PDP1: variants seen among roughly 807,000 people sequenced by gnomAD.
PDP1 encodes the protein pyruvate dehyrogenase phosphatase catalytic subunit 1.
PDP1 carries 14 observed loss-of-function variants against 37.1 expected under a neutral mutation model. That is an observed-to-expected ratio of 0.38 (90% CI 0.25 to 0.59). The LOEUF is 0.59. Ranked by LOEUF, PDP1 falls within the 20% of genes least tolerant of loss-of-function variation. The pLI is 0.67. For missense variants in PDP1, 544 were observed against 655.3 expected, an observed-to-expected ratio of 0.83 and a Z score of 1.85; for synonymous variants, 251 against 243.3, an observed-to-expected ratio of 1.03 and a Z score of -0.29.
intron 1 of PDP1, chr8:93,918,077 C>A: frequency 1.0e-6 from 1 of 982,144 alleles, no homozygotes; most frequent in Non-Finnish European, 1.5e-6. Flanking sequence ...ACAAACGCGT[C>A]TTGGATTGAG....
chr8:93,923,091 T>G lies in PDP1; in HGVS notation c.1032T>G (p.Leu344=). ...GTGTCGTGAAACAGGATCGGCTGCTTGGCTTGCTGATGCCATTTAGGGCAT... is the reference window on the plus strand; with the variant it reads ...GTGTCGTGAAACAGGATCGGCTGCTGGGCTTGCTGATGCCATTTAGGGCAT... ...AKSVVKQDRL[L]GLLMPFRAFG... Residue 344 remains leucine (L), a synonymous_variant, in exon 2 of 2, where the codon CTT becomes CTG. Coordinates refer to ENST00000297598, the MANE Select transcript of PDP1 (RefSeq NM_018444.4). This position sits in a 1 kb window ranked among gnomAD's most constrained non-coding sequence, Gnocchi z 4.3. 6.2e-7 allele frequency: 1 copy of G among 1,614,170 alleles called. No individual in the cohort carries two copies. Among genetic ancestry groups the G allele is most frequent in the Non-Finnish European group, 8.5e-7 (1 of 1,180,024 alleles).
rs147237491 is a variant in PDP1 at position 93,923,629 on chromosome 8, C to G, written c.1570C>G (p.Gln524Glu). 1.9e-6 allele frequency: 3 copies of G among 1,613,890 alleles called. No homozygotes were observed. The African/African-American group carries it at 4.0e-5, about 22-fold the overall frequency. ...YRDDITIIVVQFNSHVVGAYQ... is the reference protein window; with the variant it reads ...YRDDITIIVVEFNSHVVGAYQ... ...AGATGACATTACAATCATTGTAGTTCAGTTCAATTCTCATGTTGTAGGGGC... is the reference window on the plus strand; with the variant it reads ...AGATGACATTACAATCATTGTAGTTGAGTTCAATTCTCATGTTGTAGGGGC... Residue 524 changes from glutamine to glutamate, a missense_variant, in exon 2 of 2, where the codon CAG (glutamine) becomes GAG (glutamate). Around this residue, in one of 5 missense-constraint regions of PDP1, gnomAD observed 159 missense variants for 165.5 expected, o/e 0.96. Transcript: ENST00000297598. This position sits in a 1 kb window ranked among gnomAD's most constrained non-coding sequence, Gnocchi z 4.3.
rs769186837 is a variant in PDP1, at chr8:93,923,964, G to A, written c.*291G>A. 205 of 400,026 alleles carry A rather than the reference G, an allele frequency of 5.1e-4. No individual in the cohort carries two copies. The highest frequency in any genetic ancestry group is 8.4e-4 in the Non-Finnish European group (169 of 202,270). 24.8% of individuals were successfully genotyped at this position (400,026 alleles called of 1,614,324 possible). On this transcript the variant is annotated 3_prime_UTR_variant, in exon 2 of 2. Transcript: ENST00000297598. This position sits in a 1 kb window ranked among gnomAD's most constrained non-coding sequence, Gnocchi z 4.3. Reference sequence around the variant, plus strand: ...TTTACCAACCTGAGAAAATTAGGATGACCTGGCAAATAAGATCTTGAATAG... The same window carrying A: ...TTTACCAACCTGAGAAAATTAGGATAACCTGGCAAATAAGATCTTGAATAG...
chr8:93,917,515 G>T (rs1045268512), intron 1 of PDP1, among the ~76,000 whole-genome samples: 1 of 151,870 alleles, frequency 6.6e-6, no homozygotes, highest in Admixed American at 6.5e-5. Context: ...CCTGGGGCGG[G>T]GCCGGGCCGG....
intron 1 of PDP1, chr8:93,918,021 G>T: frequency 6.6e-7 from 1 of 1,523,352 alleles, no homozygotes; most frequent in Non-Finnish European, 9.1e-7. Flanking sequence ...GATGGTTTTA[G>T]ATGAATCAGC....
chr8:93,918,093 T>G, intron 1 of PDP1: 1 of 855,212 alleles, frequency 1.2e-6, no homozygotes, highest in Admixed American at 2.5e-5. Context: ...TTGAGATAGC[T>G]TTGATGTCTT....
In PDP1 at chr8:93,923,197, G is replaced by C; in HGVS notation, c.1138G>C (p.Glu380Gln). The change falls in exon 2 of 2, where the codon GAA (glutamate) becomes CAA (glutamine). Residue 380 changes from glutamate (E) to glutamine (Q), a missense_variant. This residue lies in a region of PDP1 where 35 missense variants were observed against 36.1 expected (regional missense o/e 0.97). Coordinates refer to ENST00000297598, the MANE Select transcript of PDP1 (RefSeq NM_018444.4). This position sits in a 1 kb window ranked among gnomAD's most constrained non-coding sequence, Gnocchi z 4.3. Reference sequence around the variant, plus strand: ...TGGCCCAGACCAGTTGAATGACAATGAATATACCAAGTTTATTCCTCCTAA... The same window carrying C: ...TGGCCCAGACCAGTTGAATGACAATCAATATACCAAGTTTATTCCTCCTAA... ...ESGPDQLNDN[E>Q]YTKFIPPNYH... The C allele has an allele frequency of 6.2e-7, 1 of 1,614,114 alleles. No individual in the cohort carries two copies. Among genetic ancestry groups the C allele is most frequent in the South Asian group, 1.1e-5 (1 of 91,082 alleles).
At chr8:93,917,670 G>C (rs1004511227) in intron 1 of PDP1, 2 of 761,310 alleles carry the variant, frequency 2.6e-6, no homozygotes, top group Admixed American at 5.4e-5. Context: ...CGGCGGGGTG[G>C]GTTGGTTTGG....
At position 93,923,511 on chromosome 8, in the gene PDP1, C is replaced by T; in HGVS notation, c.1452C>T (p.Arg484=). Residue 484 remains arginine (R), a synonymous_variant, in exon 2 of 2, where the codon CGC becomes CGT. Coordinates refer to ENST00000297598, the MANE Select transcript of PDP1 (RefSeq NM_018444.4). The surrounding 1 kb of genome is among the most constrained non-coding windows in gnomAD (Gnocchi z 4.3). ...AGAACGCAGCAACCCATCTCATTCGCCACGCTGTGGGCAACAACGAGTTTG... is the reference window on the plus strand; with the variant it reads ...AGAACGCAGCAACCCATCTCATTCGTCACGCTGTGGGCAACAACGAGTTTG... ...EDQNAATHLI[R]HAVGNNEFGT... is the part of the protein sequence containing the mutation. 6.2e-7 allele frequency: 1 copy of T among 1,606,802 alleles called. No homozygotes were observed. Among genetic ancestry groups the T allele is most frequent in the Non-Finnish European group, 8.5e-7 (1 of 1,173,900 alleles).
At position 93,917,049 on chromosome 8, in the gene PDP1, G is replaced by A. The variant is rs761326355; in HGVS notation, c.-75G>A. On this transcript the variant is annotated 5_prime_UTR_variant, in exon 1 of 2. Coordinates refer to ENST00000297598, the MANE Select transcript of PDP1 (RefSeq NM_018444.4). ...CGTCGTTGTCGCCCCCTCCTCGTCG[G>A]GAAGAATCGTTTGGTCTCCTGCCGT... 8.4e-6 allele frequency: 4 copies of A among 478,328 alleles called. No homozygotes were observed. Among genetic ancestry groups the A allele is most frequent in the Admixed American group, 2.1e-5 (1 of 46,652 alleles). 29.6% of individuals were successfully genotyped at this position (478,328 alleles called of 1,614,324 possible). A position where few individuals can be genotyped will look rare whatever the true frequency, so the allele number is the denominator to read the frequency against.
chr8:93,922,281 A>G lies in PDP1; in HGVS notation c.222A>G (p.Thr74=), dbSNP rs1810303321. The G allele has an allele frequency of 6.2e-7, 1 of 1,614,110 alleles. No individual in the cohort carries two copies. Among genetic ancestry groups the G allele is most frequent in the South Asian group, 1.1e-5 (1 of 91,094 alleles). The change falls in exon 2 of 2, where the codon ACA becomes ACG. Residue 74 remains threonine, a synonymous_variant. Coordinates refer to ENST00000297598, the MANE Select transcript of PDP1 (RefSeq NM_018444.4). The surrounding 1 kb of genome is among the most constrained non-coding windows in gnomAD (Gnocchi z 4.0). ...QYTQGRRYAS[T]PQKFYLTPPQ... ...CCCAAGGAAGGAGATATGCTTCCAC[A>G]CCACAGAAATTTTACCTCACACCTC...
rs144604949 is a variant in PDP1 at position 93,922,426 on chromosome 8, A to G, written c.367A>G (p.Ile123Val). The change falls in exon 2 of 2, where the codon ATT becomes GTT. Residue 123 changes from isoleucine to valine, a missense_variant. Coordinates refer to ENST00000297598, the MANE Select transcript of PDP1 (RefSeq NM_018444.4). This position sits in a 1 kb window ranked among gnomAD's most constrained non-coding sequence, Gnocchi z 4.0. ...CAATCAGCTGCCTGCAAATGCACCC[A>G]TTGAGGACCGGAGAAGTGCAGCAAC... ...DSNQLPANAP[I>V]EDRRSAATCL... 6.2e-7 allele frequency: 1 copy of G among 1,614,094 alleles called. No individual in the cohort carries two copies. Among genetic ancestry groups the G allele is most frequent in the Non-Finnish European group, 8.5e-7 (1 of 1,179,926 alleles).
intron 1 of PDP1, chr8:93,917,748 T>C: frequency 2.6e-6 from 3 of 1,143,458 alleles, no homozygotes; most frequent in Non-Finnish European, 2.4e-6. Context: ...TCCCAGCCCA[T>C]TCACCGGGCT....
chr8:93,919,037 A>G (rs1294471944), intron 1 of PDP1: 1 of 356,840 alleles, frequency 2.8e-6, no homozygotes, highest in Non-Finnish European at 3.9e-6. Flanking sequence ...AAGCCTCTGC[A>G]TAACTGAAAG....
Position 93,922,077 on chromosome 8 carries a change from A to C in PDP1, c.18A>C (p.Gln6His), listed in dbSNP as rs760854097. Residue 6 changes from glutamine to histidine, a missense_variant, in exon 2 of 2, where the codon CAA (glutamine) becomes CAC (histidine). This residue lies in a region of PDP1 where 342 missense variants were observed against 414.0 expected (regional missense o/e 0.83). Transcript: ENST00000297598. This position sits in a 1 kb window ranked among gnomAD's most constrained non-coding sequence, Gnocchi z 4.0. MPAPT[Q>H]LFFPLIRNCE... The stretch of plus-strand genomic sequence containing the variant: ...CTGATGCCATGCCAGCACCAACTCA[A>C]CTGTTTTTTCCTCTCATCCGTAACT... The C allele has an allele frequency of 1.2e-6, 2 of 1,612,196 alleles. No individual in the cohort carries two copies. The highest frequency in any genetic ancestry group is 1.7e-6 in the Non-Finnish European group (2 of 1,178,518).
chr8:93,921,974 T>C (rs1810285868), intron 1 of PDP1, 42 bp from the exon 2 acceptor site: 1 of 1,350,042 alleles, frequency 7.4e-7, no homozygotes, highest in African/African-American at 1.5e-5. Flanking sequence ...TCCTGAAATG[T>C]AACTCTTTCC....
chr8:93,921,354 A>G lies in PDP1; in HGVS notation c.-44-662A>G. 8 of 984,422 alleles carry G rather than the reference A, an allele frequency of 8.1e-6. No homozygotes were observed. The South Asian group carries it at 3.8e-4, about 46-fold the overall frequency. 61.0% of individuals were successfully genotyped at this position (984,422 alleles called of 1,614,324 possible). ...CTAGAGAAGCAAGTTTTGCAAGACC[A>G]TCTACTGGGGTACAGGAGAGAAATA... On this transcript the variant is annotated intron_variant, in intron 1 of 1. Coordinates refer to ENST00000297598, the MANE Select transcript of PDP1 (RefSeq NM_018444.4).
intron 1 of PDP1, chr8:93,920,890 A>G: frequency 1.1e-6 from 1 of 920,040 alleles, no homozygotes; most frequent in Non-Finnish European, 1.3e-6. Flanking sequence ...AGTGATTACC[A>G]TATCCAAGAA....
Position 93,917,590 on chromosome 8 carries a change from G to GGGCTGGC in PDP1, c.-45+512_-45+518dup, listed in dbSNP as rs1428977838. Among the ~76,000 whole-genome samples the GGGCTGGC allele has an allele frequency of 1.3e-4, 20 of 152,272 alleles. 1 individual carries two copies. The East Asian group carries it at 3.9e-3, about 29-fold the overall frequency. Reference sequence around the variant, plus strand: ...GGCTTCGCGCCCCGGCTGGATGGAGGGGCTGGCCCTCGGGGCGCACCCCTG... The same window carrying GGGCTGGC: ...GGCTTCGCGCCCCGGCTGGATGGAGGGGCTGGCGGCTGGCCCTCGGGGCGCACCCCTG... On this transcript the variant is annotated intron_variant, in intron 1 of 1. Coordinates refer to ENST00000297598, the MANE Select transcript of PDP1 (RefSeq NM_018444.4).
Sources: gnomAD v4.1 joint callset for allele counts (sites outside exome capture counted in the v4.1 genomes callset) on GRCh38, gnomAD v4.1.1 for gene constraint, gnomAD v4.1.1 regional missense constraint, Gnocchi (gnomAD v3.1) non-coding constraint, MANE v1.5 for transcripts, NCBI Gene and HGNC (gene_info 2026-07-23, HGNC 2026-07-21) for gene names.